Variants in ADAMTS17 observed in about 807,000 individuals in gnomAD.
The protein encoded by ADAMTS17 is ADAM metallopeptidase with thrombospondin type 1 motif 17.
In ADAMTS17, 113 loss-of-function variants were observed where a neutral mutation model predicts 141.5. The observed-to-expected ratio is 0.80, with a 90% CI of 0.69 to 0.93. The LOEUF is 0.93. ADAMTS17 is among the 40% of genes least tolerant of loss of function. The pLI is 0.00. For synonymous variants in ADAMTS17, 768 were observed against 630.6 expected, an observed-to-expected ratio of 1.22 and a Z score of -3.27; for missense variants, 1,659 against 1,517.9, an observed-to-expected ratio of 1.09 and a Z score of -1.54.
At chr15:100,323,263 C>T (rs1253778757) in intron 3 of ADAMTS17, among the ~76,000 whole-genome samples, 1 of 152,062 alleles carries the variant, frequency 6.6e-6, no homozygotes, top group African/African-American at 2.4e-5. Flanking sequence ...CATTATCACC[C>T]TTTTACAAAT....
rs1027188431 is a variant in ADAMTS17, at chr15:100,003,854, G to A, written c.2592-6265C>T. ...GACAAAGTAGAATGATGGTTGCCAG[G>A]AGCTGAGGGGAAGGGGAATAGGGAG... is the stretch of plus-strand genomic sequence containing the variant. On this transcript the variant is annotated intron_variant, in intron 18 of 21. Coordinates refer to ENST00000268070, the MANE Select transcript of ADAMTS17 (RefSeq NM_139057.4). 4.0e-4 allele frequency among the ~76,000 whole-genome samples: 61 copies of A among 150,992 alleles called. 1 individual carries two copies. Among genetic ancestry groups the A allele is most frequent in the African/African-American group, 1.5e-3 (61 of 40,310 alleles).
chr15:100,325,265 C>T (rs1265884461), intron 3 of ADAMTS17, among the ~76,000 whole-genome samples: 1 of 152,156 alleles, frequency 6.6e-6, no homozygotes, highest in Non-Finnish European at 1.5e-5. Context: ...ACTCCAGAAC[C>T]CTGCCAGATT....
Position 99,997,723 on chromosome 15 carries a change from C to A in ADAMTS17, c.2592-134G>T. On this transcript the variant is annotated intron_variant, in intron 18 of 21. Coordinates refer to ENST00000268070, the MANE Select transcript of ADAMTS17 (RefSeq NM_139057.4). This position sits in a 1 kb window ranked among gnomAD's most constrained non-coding sequence, Gnocchi z 4.7. ...AGGCAGACTCAGGAAGCTTTTCAGC[C>A]AACCCTGGACATAACTCAGAGTATC... 9.6e-7 allele frequency: 1 copy of A among 1,043,678 alleles called. No individual in the cohort carries two copies. Among genetic ancestry groups the A allele is most frequent in the Non-Finnish European group, 1.4e-6 (1 of 697,528 alleles). The allele number at this position is 1,043,678 out of a possible 1,614,324, so 64.7% of individuals were successfully genotyped here.
At chr15:99,992,576 C>T (rs188669833) in intron 20 of ADAMTS17, among the ~76,000 whole-genome samples, 23 of 152,320 alleles carry the variant, frequency 1.5e-4, no homozygotes, top group Non-Finnish European at 4.4e-5. Flanking sequence ...GCTGACCCGG[C>T]GGTTCTGTGA....
In ADAMTS17 at chr15:100,051,565, C is replaced by A. The variant is rs762881040; in HGVS notation, c.2455+7G>T. On this transcript the variant is annotated splice_region_variant and intron_variant, in intron 17 of 21. Transcript: ENST00000268070. ...CACCCAACAGGTCATGGACCACGGC[C>A]ACTCACCTCCGCCGCACTGCACACT... 6.2e-7 allele frequency: 1 copy of A among 1,613,012 alleles called. No homozygotes were observed. The highest frequency in any genetic ancestry group is 1.3e-5 in the African/African-American group (1 of 74,892).
chr15:100,033,099 A>C (rs553460386), intron 18 of ADAMTS17, among the ~76,000 whole-genome samples: 4 of 152,350 alleles, frequency 2.6e-5, no homozygotes, highest in Non-Finnish European at 5.9e-5. Context: ...CTAAGCTCTC[A>C]ACGGGAAGCA....
chr15:100,259,585 T>A (rs903836441), intron 6 of ADAMTS17, among the ~76,000 whole-genome samples: 3 of 152,234 alleles, frequency 2.0e-5, no homozygotes, highest in African/African-American at 7.2e-5. Flanking sequence ...TCATAGACGA[T>A]CAGAATTATT....
chr15:100,060,373 C>T (rs147209505), intron 15 of ADAMTS17, among the ~76,000 whole-genome samples: 2 of 152,274 alleles, frequency 1.3e-5, no homozygotes, highest in African/African-American at 2.4e-5. Context: ...ACATGCAGAA[C>T]GTCCATTTCG....
intron 10 of ADAMTS17, among the ~76,000 whole-genome samples, chr15:100,143,629 C>T (rs1172375473): frequency 6.6e-6 from 1 of 152,288 alleles, no homozygotes; most frequent in African/African-American, 2.4e-5. Context: ...TTCATATTTC[C>T]ATAGACAGCT....
chr15:100,088,340 G>A (rs1434732421), intron 15 of ADAMTS17, among the ~76,000 whole-genome samples: 2 of 152,136 alleles, frequency 1.3e-5, no homozygotes, highest in African/African-American at 4.8e-5. Flanking sequence ...AATAAAAGAG[G>A]ATACAAACAA....
At chr15:100,128,182 G>C (rs2037843168) in intron 12 of ADAMTS17, 2 of 152,244 alleles carry the variant, frequency 1.3e-5, no homozygotes, top group Admixed American at 1.3e-4. Flanking sequence ...CCTGTTTGAA[G>C]TGTCTGTGAG....
At chr15:100,308,355 C>T (rs750791415) in intron 3 of ADAMTS17, among the ~76,000 whole-genome samples, 1 of 152,186 alleles carries the variant, frequency 6.6e-6, no homozygotes, top group African/African-American at 2.4e-5. Context: ...AAGCAAAAGA[C>T]GACAGTTGTA....
At chr15:100,271,013 C>G (rs1310235176) in intron 4 of ADAMTS17, among the ~76,000 whole-genome samples, 1 of 151,884 alleles carries the variant, frequency 6.6e-6, no homozygotes, top group Non-Finnish European at 1.5e-5. Context: ...TCTTTGGTGA[C>G]TGGCTCATTT....
chr15:100,119,267 T>C (rs2037327369), intron 12 of ADAMTS17, among the ~76,000 whole-genome samples: 2 of 152,110 alleles, frequency 1.3e-5, no homozygotes, highest in African/African-American at 2.4e-5. Flanking sequence ...TCCTTTGTTA[T>C]GGCAGCCCCA....
At chr15:100,141,745 G>A (rs1261336078) in intron 10 of ADAMTS17, among the ~76,000 whole-genome samples, 1 of 152,236 alleles carries the variant, frequency 6.6e-6, no homozygotes, top group Non-Finnish European at 1.5e-5. Flanking sequence ...CTGGCATGGT[G>A]TGGAGAGCTC....
intron 8 of ADAMTS17, among the ~76,000 whole-genome samples, chr15:100,165,491 G>C (rs568022380): frequency 1.8e-4 from 27 of 152,304 alleles, no homozygotes; most frequent in African/African-American, 6.0e-4. Flanking sequence ...CTGCTTGGGA[G>C]GCTCCCATTC....
At chr15:100,207,611 T>C (rs1408465229) in intron 7 of ADAMTS17, among the ~76,000 whole-genome samples, 2 of 152,118 alleles carry the variant, frequency 1.3e-5, no homozygotes, top group Non-Finnish European at 2.9e-5. Context: ...GAGCATCAGG[T>C]TGAACTAGTT....
At chr15:100,284,263 T>A (rs2044376236) in intron 3 of ADAMTS17, among the ~76,000 whole-genome samples, 1 of 152,216 alleles carries the variant, frequency 6.6e-6, no homozygotes. Flanking sequence ...AGTTAACACA[T>A]ACCCAGAATA....
At chr15:100,277,278 G>C (rs7497900) in intron 4 of ADAMTS17, among the ~76,000 whole-genome samples, 10,979 of 152,042 alleles carry the variant, frequency 0.072, 624 homozygotes, top group East Asian at 0.22. Flanking sequence ...GCTGAAGAGG[G>C]GTGCAGGGTG....
Sources: allele counts gnomAD v4.1 joint callset (sites outside exome capture counted in the v4.1 genomes callset), GRCh38; gene constraint gnomAD v4.1.1; non-coding constraint Gnocchi (gnomAD v3.1); transcripts MANE v1.5; gene names NCBI Gene and HGNC (gene_info 2026-07-23, HGNC 2026-07-21).